PHF21A: variants seen among roughly 807,000 people sequenced by gnomAD.
PHF21A encodes BHC80a.
Under a neutral mutation model 82.5 loss-of-function variants are expected in PHF21A, and 11 were observed. That is an observed-to-expected ratio of 0.13 (90% confidence interval 0.08 to 0.22). The LOEUF (loss-of-function observed/expected upper bound fraction) is 0.22. PHF21A is among the 10% of genes least tolerant of loss of function. The pLI, the probability that PHF21A is intolerant of heterozygous loss-of-function variation, is 1.00. For synonymous variants in PHF21A, 297 were observed against 302.8 expected (o/e 0.98, Z 0.20); for missense variants, 579 against 837.8 (o/e 0.69, Z 3.81).
intron 1 of PHF21A, among the ~76,000 whole-genome samples, chr11:46,114,236 G>A (rs753543756): frequency 1.3e-5 from 2 of 152,058 alleles, no homozygotes; most frequent in South Asian, 2.1e-4. Flanking sequence ...TCAGTAACAC[G>A]TCCAAACACA....
At chr11:45,998,013 A>G (rs138448690) in intron 6 of PHF21A, among the ~76,000 whole-genome samples, 1,702 of 152,318 alleles carry the variant, frequency 0.011, 30 homozygotes, top group African/African-American at 0.039. Context: ...TGCTCCTATC[A>G]AAACATTTCA....
Position 46,068,942 on chromosome 11 carries a change from G to T in PHF21A, c.153+7812C>A, listed in dbSNP as rs148421528. Among the ~76,000 whole-genome samples the T allele has an allele frequency of 5.9e-5, 9 of 152,256 alleles. 1 individual carries two copies. In the East Asian group the frequency reaches 1.7e-3, roughly 29 times the overall value. On this transcript the variant is annotated intron_variant, in intron 6 of 18. Transcript: ENST00000676320. ...TATAATAATGTGGCACGTTATTAAA[G>T]TATAAGTTACTCAATCAAGCATCTC...
chr11:46,014,968 A>G (rs1316944860), intron 6 of PHF21A, among the ~76,000 whole-genome samples: 2 of 131,654 alleles, frequency 1.5e-5, no homozygotes, highest in Non-Finnish European at 3.2e-5. Context: ...CGACAGAGCG[A>G]GACTCCGTCT....
At chr11:46,102,161 C>A (rs1245697853) in intron 1 of PHF21A, among the ~76,000 whole-genome samples, 1 of 152,018 alleles carries the variant, frequency 6.6e-6, no homozygotes, top group South Asian at 2.1e-4. Flanking sequence ...TGTCCCTGTG[C>A]TGGTATCAAA....
intron 1 of PHF21A, among the ~76,000 whole-genome samples, chr11:46,100,689 C>T (rs2097083180): frequency 6.6e-6 from 1 of 152,210 alleles, no homozygotes; most frequent in Non-Finnish European, 1.5e-5. Flanking sequence ...TATGCTTCCC[C>T]ATGCATTGAG....
chr11:45,935,331 A>G, intron 18 of PHF21A: 1 of 1,058,406 alleles, frequency 9.4e-7, no homozygotes, highest in Non-Finnish European at 1.3e-6. Flanking sequence ...ACTGTCAGGA[A>G]TACGCAGGGC....
intron 1 of PHF21A, among the ~76,000 whole-genome samples, chr11:46,107,989 A>G (rs11038768): frequency 0.15 from 23,393 of 152,154 alleles, 3,744 homozygotes; most frequent in East Asian, 0.58. Context: ...ACTAATTCCT[A>G]TGTAGGGTAT....
chr11:45,980,686 T>G (rs2094241539), intron 6 of PHF21A, among the ~76,000 whole-genome samples: 1 of 152,296 alleles, frequency 6.6e-6, no homozygotes, highest in East Asian at 1.9e-4. Context: ...CTTATTATTT[T>G]TTGCATATGA....
chr11:46,111,117 G>C (rs149552621), intron 1 of PHF21A, among the ~76,000 whole-genome samples: 26 of 151,726 alleles, frequency 1.7e-4, no homozygotes, highest in African/African-American at 5.1e-4. Flanking sequence ...AACTATGTGG[G>C]GGGGGAGGCT....
intron 6 of PHF21A, among the ~76,000 whole-genome samples, chr11:46,006,866 C>G (rs1327514764): frequency 6.6e-6 from 1 of 152,170 alleles, no homozygotes; most frequent in Non-Finnish European, 1.5e-5. Flanking sequence ...TACAAATCAA[C>G]AGGTACTAAC....
Position 45,961,282 on chromosome 11 carries a change from T to C in PHF21A, c.996+4033A>G, listed in dbSNP as rs563807256. 6.6e-5 allele frequency among the ~76,000 whole-genome samples: 10 copies of C among 152,332 alleles called. No individual in the cohort carries two copies. The South Asian group carries it at 1.0e-3, about 16-fold the overall frequency. On this transcript the variant is annotated intron_variant, in intron 10 of 18. Transcript: ENST00000676320. ...AGTTAATCAAGTATACTTTATATAC[T>C]TGTCTGCATGAAAAATCAAAGGTAG...
At chr11:46,006,311 A>T (rs528116126) in intron 6 of PHF21A, among the ~76,000 whole-genome samples, 25 of 152,328 alleles carry the variant, frequency 1.6e-4, no homozygotes, top group Admixed American at 4.6e-4. Context: ...AACCATGAGA[A>T]ATCAGTAAAT....
intron 3 of PHF21A, among the ~76,000 whole-genome samples, chr11:46,086,458 A>C (rs1161948176): frequency 1.3e-5 from 2 of 152,200 alleles, no homozygotes; most frequent in Non-Finnish European, 2.9e-5. Context: ...ATAACCAATC[A>C]ATCAATAAAT....
chr11:46,068,411 C>T (rs935079449), intron 6 of PHF21A, among the ~76,000 whole-genome samples: 3 of 152,084 alleles, frequency 2.0e-5, no homozygotes, highest in Non-Finnish European at 2.9e-5. Flanking sequence ...TTTGAAAGCA[C>T]ATGATATAGT....
At chr11:45,989,079 C>T (rs2094588682) in intron 6 of PHF21A, among the ~76,000 whole-genome samples, 1 of 152,106 alleles carries the variant, frequency 6.6e-6, no homozygotes, top group Non-Finnish European at 1.5e-5. Context: ...GGTGCAAGTT[C>T]CTCACAAGTG....
intron 2 of PHF21A, among the ~76,000 whole-genome samples, chr11:46,091,244 T>C (rs2096921121): frequency 6.6e-6 from 1 of 152,192 alleles, no homozygotes; most frequent in African/African-American, 2.4e-5. Context: ...TAAAAATTTT[T>C]TTAAAAAGGA....
chr11:46,118,055 A>T (rs1404831882), intron 1 of PHF21A: 1 of 152,200 alleles, frequency 6.6e-6, no homozygotes, highest in Non-Finnish European at 1.5e-5. Flanking sequence ...GCTGGATAGC[A>T]TTTAGAGATC....
intron 15 of PHF21A, among the ~76,000 whole-genome samples, chr11:45,944,247 T>C (rs893025221): frequency 1.3e-5 from 2 of 152,214 alleles, no homozygotes; most frequent in African/African-American, 4.8e-5. Context: ...TTATGAGATA[T>C]ATAGCAAAAT....
rs759310849 is a variant in PHF21A at position 45,934,051 on chromosome 11, T to C, written c.1963A>G (p.Asn655Asp). The change falls in exon 19 of 19, where the codon AAT becomes GAT. Residue 655 changes from asparagine to aspartate, a missense_variant. By Grantham distance (23) the Asn-to-Asp change is conservative. Coordinates refer to ENST00000676320, the MANE Select transcript of PHF21A (RefSeq NM_001352027.3). ...GGGGCCGGCGTGGAGGTGGCGGCAT[T>C]GGCAGGGGGGGTGCAGTCCGGGCCA... The part of the protein sequence containing the change: ...SNGPDCTPPA[N>D]AATSTPAPSP... 14 of 1,613,328 alleles carry C rather than the reference T, an allele frequency of 8.7e-6. No homozygotes were observed. In the African/African-American group the frequency reaches 1.9e-4, roughly 22 times the overall value.
Sources: allele counts gnomAD v4.1 joint callset (sites outside exome capture counted in the v4.1 genomes callset), GRCh38; gene constraint gnomAD v4.1.1; transcripts MANE v1.5; gene names NCBI Gene and HGNC (gene_info 2026-07-23, HGNC 2026-07-21).